DLGAP2: variants seen among roughly 807,000 people sequenced by gnomAD.
DLGAP2 encodes the protein DLG associated protein 2.
DLGAP2 carries 26 observed loss-of-function variants against 100.3 expected under a neutral mutation model. The ratio of observed to expected loss-of-function variants is 0.26; its 90% confidence interval spans 0.19 to 0.36. The LOEUF is 0.36. Ranked by LOEUF, DLGAP2 falls within the 10% of genes least tolerant of loss-of-function variation. The pLI is 1.00. For missense variants in DLGAP2, 1,858 were observed against 1,453.2 expected (o/e 1.28, Z -4.53); for synonymous variants, 886 against 630.1 (o/e 1.41, Z -6.08).
chr8:829,745 T>C (rs1383252947), intron 1 of DLGAP2, among the ~76,000 whole-genome samples: 2 of 152,250 alleles, frequency 1.3e-5, no homozygotes, highest in Non-Finnish European at 2.9e-5. Context: ...ATATTTTCTA[T>C]GTTCGTAGTC....
At chr8:870,806 G>C (rs1797582818) in intron 1 of DLGAP2, among the ~76,000 whole-genome samples, 1 of 152,058 alleles carries the variant, frequency 6.6e-6, no homozygotes, top group African/African-American at 2.4e-5. Flanking sequence ...TGAGGGAGTG[G>C]AGGGCTGCCG....
At chr8:741,125 C>T (rs1005538552) in intron 1 of DLGAP2, among the ~76,000 whole-genome samples, 5 of 152,188 alleles carry the variant, frequency 3.3e-5, no homozygotes, top group Non-Finnish European at 5.9e-5. Context: ...TTTGTTGTTT[C>T]CTGGGTACTT....
chr8:1,007,595 T>C lies in DLGAP2; in HGVS notation c.73+99629T>C, dbSNP rs564700341. ...CTCCCTTTAAGGCTGAAGGCACCAG[T>C]GGTCCAGTGGTGGTCTTCTCTATGG... On this transcript the variant is annotated intron_variant, in intron 2 of 14. Transcript: ENST00000637795. Among the ~76,000 whole-genome samples, 866 of 143,004 alleles carry C rather than the reference T, an allele frequency of 6.1e-3. 1 individual carries two copies. Among genetic ancestry groups the C allele is most frequent in the Non-Finnish European group, 0.01 (671 of 66,584 alleles). 93.8% of individuals were successfully genotyped at this position (143,004 alleles called of 152,430 possible). A position where few individuals can be genotyped will look rare whatever the true frequency, so the allele number is the denominator to read the frequency against.
chr8:919,312 A>AT, intron 2 of DLGAP2, among the ~76,000 whole-genome samples: 1 of 152,290 alleles, frequency 6.6e-6, no homozygotes, highest in South Asian at 2.1e-4. Flanking sequence ...GGTAGCTGAG[A>AT]CAGAGCTGCC....
chr8:1,299,907 A>G (rs564168461), intron 3 of DLGAP2: 1 of 152,204 alleles, frequency 6.6e-6, no homozygotes, highest in Non-Finnish European at 1.5e-5. Flanking sequence ...CTTAAGCAAC[A>G]TAAATTAATT....
chr8:927,056 C>T (rs545440494), intron 2 of DLGAP2: 52 of 985,110 alleles, frequency 5.3e-5, no homozygotes, highest in Non-Finnish European at 6.1e-5. Context: ...CTGGAGGAGC[C>T]GATGTGGGAG....
chr8:808,511 G>A (rs964105174), intron 1 of DLGAP2, among the ~76,000 whole-genome samples: 16 of 152,218 alleles, frequency 1.1e-4, no homozygotes, highest in African/African-American at 3.9e-4. Context: ...CCAGCAGTGG[G>A]ATTCCTTCCT....
chr8:1,173,649 T>C (rs1797182037), intron 2 of DLGAP2, among the ~76,000 whole-genome samples: 1 of 152,182 alleles, frequency 6.6e-6, no homozygotes. Context: ...GTGCTAGCAA[T>C]CAGCAAGACG....
intron 12 of DLGAP2, among the ~76,000 whole-genome samples, chr8:1,687,158 C>A (rs1799136670): frequency 6.6e-6 from 1 of 152,174 alleles, no homozygotes; most frequent in Non-Finnish European, 1.5e-5. Flanking sequence ...GTTACAAATA[C>A]TCAAATGATC....
At chr8:1,137,930 G>A (rs1487573776) in intron 2 of DLGAP2, among the ~76,000 whole-genome samples, 1 of 152,134 alleles carries the variant, frequency 6.6e-6, no homozygotes, top group Non-Finnish European at 1.5e-5. Context: ...AGCTGGGACT[G>A]CAGGCATGGG....
At chr8:815,355 G>C (rs1054707999) in intron 1 of DLGAP2, among the ~76,000 whole-genome samples, 3 of 152,160 alleles carry the variant, frequency 2.0e-5, no homozygotes, top group African/African-American at 7.2e-5. Flanking sequence ...GAGGGCCTTA[G>C]CCCATCTGTG....
At chr8:829,669 C>T (rs1171138544) in intron 1 of DLGAP2, among the ~76,000 whole-genome samples, 2 of 152,080 alleles carry the variant, frequency 1.3e-5, no homozygotes, top group Non-Finnish European at 2.9e-5. Context: ...GAAAAATTAA[C>T]AAACAAAATG....
chr8:831,089 G>A (rs1796773647), intron 1 of DLGAP2, among the ~76,000 whole-genome samples: 1 of 151,720 alleles, frequency 6.6e-6, no homozygotes, highest in Non-Finnish European at 1.5e-5. Flanking sequence ...GTAAAGACAG[G>A]GTTTCACCAT....
chr8:1,287,657 T>TATGGTTCTGTTAGGAGGGGAACTA (rs1799969504), intron 3 of DLGAP2, among the ~76,000 whole-genome samples: 2 of 129,308 alleles, frequency 1.5e-5, no homozygotes, highest in African/African-American at 3.1e-5. Context: ...TGTGTGTGTG[T>TATGGTTCTGTTAGGAGGGGAACTA]GTATGGTTCT....
At chr8:1,574,555 T>C (rs1475789302) in intron 6 of DLGAP2, among the ~76,000 whole-genome samples, 1 of 152,210 alleles carries the variant, frequency 6.6e-6, no homozygotes, top group Non-Finnish European at 1.5e-5. Flanking sequence ...GAGTCCTGTG[T>C]GTGGTCTTCC....
At chr8:1,497,440 C>A (rs1175072301) in intron 3 of DLGAP2, among the ~76,000 whole-genome samples, 1 of 152,200 alleles carries the variant, frequency 6.6e-6, no homozygotes, top group Non-Finnish European at 1.5e-5. Context: ...TGTATGACAG[C>A]AGCCAACGTT....
At chr8:1,011,909 C>G (rs1031082009) in intron 2 of DLGAP2, among the ~76,000 whole-genome samples, 2 of 152,210 alleles carry the variant, frequency 1.3e-5, no homozygotes, top group African/African-American at 4.8e-5. Flanking sequence ...TTGTGTTTTA[C>G]CGAGGATGCT....
At chr8:1,069,343 G>A (rs754443186) in intron 2 of DLGAP2, among the ~76,000 whole-genome samples, 8 of 152,288 alleles carry the variant, frequency 5.3e-5, no homozygotes, top group South Asian at 2.1e-4. Flanking sequence ...GCGGCCCGTG[G>A]ACAGGTCGCG....
At chr8:795,243 C>T (rs898058338) in intron 1 of DLGAP2, among the ~76,000 whole-genome samples, 1 of 152,226 alleles carries the variant, frequency 6.6e-6, no homozygotes, top group Non-Finnish European at 1.5e-5. Context: ...TCAATCAGTG[C>T]ATAACCTTGT....
Sources: gnomAD v4.1 joint callset for allele counts (sites outside exome capture counted in the v4.1 genomes callset) on GRCh38, gnomAD v4.1.1 for gene constraint, MANE v1.5 for transcripts, NCBI Gene and HGNC (gene_info 2026-07-23, HGNC 2026-07-21) for gene names.